STK3: variants seen among roughly 807,000 people sequenced by gnomAD.
STK3 encodes the protein serine/threonine-protein kinase 3.
A neutral mutation model predicts 58.0 loss-of-function variants in STK3; 41 were observed. The ratio of observed to expected loss-of-function variants is 0.71; its 90% CI spans 0.55 to 0.92. STK3 has a LOEUF of 0.92. Ranked by LOEUF, STK3 falls within the 40% of genes least tolerant of loss-of-function variation. The probability of loss-of-function intolerance (pLI) is 0.00; values close to 1 mark genes in which losing one functional copy is unlikely to be tolerated. For synonymous variants in STK3, 170 were observed against 191.0 expected (o/e 0.89, Z 0.91); for missense variants, 479 against 602.7 (o/e 0.79, Z 2.15).
At chr8:98,762,567 T>C (rs1000982789) in intron 3 of STK3, among the ~76,000 whole-genome samples, 1 of 152,266 alleles carries the variant, frequency 6.6e-6, no homozygotes, top group African/African-American at 2.4e-5. Context: ...ACCCATTCTT[T>C]GTTGTATCTC....
At chr8:98,865,780 T>C (rs1447088203) in intron 3 of STK3, among the ~76,000 whole-genome samples, 1 of 152,238 alleles carries the variant, frequency 6.6e-6, no homozygotes, top group Admixed American at 6.5e-5. Flanking sequence ...TCAAAGTCCA[T>C]CTAAGTCTAT....
At chr8:98,899,244 T>C (rs1838568195) in intron 1 of STK3, among the ~76,000 whole-genome samples, 3 of 152,192 alleles carry the variant, frequency 2.0e-5, no homozygotes, top group Non-Finnish European at 4.4e-5. Flanking sequence ...TTGGCTTTCA[T>C]ACAGCCCTAG....
In STK3 at chr8:98,407,257, G is replaced by A. The variant is rs535281415; in HGVS notation, n.484-5744C>T. 3.9e-5 allele frequency among the ~76,000 whole-genome samples: 6 copies of A among 152,350 alleles called. No homozygotes were observed. In the South Asian group the frequency reaches 1.2e-3, roughly 32 times the overall value. Reference sequence around the variant, plus strand: ...GGTTGTCGCCCTGGAGTCCAGCCTGGAAGAGGCGGCCACAGTGGTGACATC... The same window carrying A: ...GGTTGTCGCCCTGGAGTCCAGCCTGAAAGAGGCGGCCACAGTGGTGACATC... On this transcript the variant is annotated intron_variant and non_coding_transcript_variant, in intron 3 of 3. Coordinates refer to the STK3 transcript ENST00000517832.
At chr8:98,675,486 T>C (rs1038055200) in intron 6 of STK3, among the ~76,000 whole-genome samples, 2 of 152,174 alleles carry the variant, frequency 1.3e-5, no homozygotes, top group Admixed American at 1.3e-4. Flanking sequence ...AAAAACAGTA[T>C]GGTGGTTCCT....
intron 4 of STK3, among the ~76,000 whole-genome samples, chr8:98,729,268 C>T (rs1367555210): frequency 6.6e-6 from 1 of 152,066 alleles, no homozygotes; most frequent in African/African-American, 2.4e-5. Flanking sequence ...TGCCAACACA[C>T]CAGGCCAATT....
rs554188101 is a variant in STK3 at position 98,588,572 on chromosome 8, G to T, written c.822+7460C>A. ...CAACTTTGGTGAATCTGACAATTAT[G>T]TGTCTTGGAGTTGCTTTCTCGAGGA... On this transcript the variant is annotated intron_variant, in intron 7 of 10. Transcript: ENST00000419617. Among the ~76,000 whole-genome samples the T allele has an allele frequency of 5.9e-3, 897 of 152,132 alleles. 6 individuals carry two copies. Among genetic ancestry groups the T allele is most frequent in the Middle Eastern group, 0.024 (7 of 294 alleles).
At chr8:98,813,988 T>G (rs1422982613) in intron 1 of STK3, among the ~76,000 whole-genome samples, 2 of 152,240 alleles carry the variant, frequency 1.3e-5, no homozygotes, top group Non-Finnish European at 2.9e-5. Flanking sequence ...CAGTTCGTTG[T>G]AAGTATTCTG....
At chr8:98,611,319 T>A (rs1346998088) in intron 6 of STK3, among the ~76,000 whole-genome samples, 1 of 150,510 alleles carries the variant, frequency 6.6e-6, no homozygotes, top group East Asian at 2.0e-4. Flanking sequence ...AAGAAACAAC[T>A]GAAAATATGA....
At chr8:98,754,579 G>A (rs903694730) in intron 3 of STK3, among the ~76,000 whole-genome samples, 9 of 151,648 alleles carry the variant, frequency 5.9e-5, no homozygotes, top group East Asian at 1.9e-4. Flanking sequence ...GCACCATGTC[G>A]GCTCACAGCA....
chr8:98,631,928 G>C (rs907011194), intron 6 of STK3, among the ~76,000 whole-genome samples: 6 of 152,270 alleles, frequency 3.9e-5, no homozygotes, highest in African/African-American at 7.2e-5. Context: ...GCCTCCCAAA[G>C]TGCTGGGATT....
chr8:98,827,407 A>G (rs1835354347), upstream of STK3, among the ~76,000 whole-genome samples: 1 of 152,232 alleles, frequency 6.6e-6, no homozygotes, highest in Admixed American at 6.5e-5. Context: ...AGAACAATAA[A>G]TATGAAGAGA....
chr8:98,940,251 C>T (rs1840359112), intron 1 of STK3, among the ~76,000 whole-genome samples: 1 of 152,228 alleles, frequency 6.6e-6, no homozygotes, highest in Non-Finnish European at 1.5e-5. Flanking sequence ...GCTCCAGGGT[C>T]GCGGAGGCAT....
intron 6 of STK3, among the ~76,000 whole-genome samples, chr8:98,630,918 C>CT (rs71273137): frequency 0.26 from 38,706 of 151,154 alleles, 5,507 homozygotes; most frequent in East Asian, 0.41. Flanking sequence ...GTAAACATTT[C>CT]TTTTTTTTTA....
intron 8 of STK3, among the ~76,000 whole-genome samples, chr8:98,566,034 T>C (rs948509565): frequency 1.3e-5 from 2 of 152,190 alleles, no homozygotes; most frequent in Non-Finnish European, 2.9e-5. Context: ...CTGTTTGCAA[T>C]TTGTTTAATT....
intron 10 of STK3, among the ~76,000 whole-genome samples, chr8:98,503,892 G>C (rs912258698): frequency 6.6e-6 from 1 of 152,206 alleles, no homozygotes; most frequent in South Asian, 2.1e-4. Flanking sequence ...ATTTGGGATG[G>C]AGAGTTCTGT....
In STK3 at chr8:98,436,104, T is replaced by G. The variant is rs1818476815; in HGVS notation, n.291+999A>C. On this transcript the variant is annotated intron_variant and non_coding_transcript_variant, in intron 2 of 3. Transcript: ENST00000517832. ...CTGTCCTCAAGCTCCCCCGAATTCT[T>G]TGGCCACACAGATCAACCTCTAAGT... Among the ~76,000 whole-genome samples the G allele has an allele frequency of 5.3e-5, 8 of 152,282 alleles. No homozygotes were observed. In the South Asian group the frequency reaches 1.7e-3, roughly 32 times the overall value.
intron 3 of STK3, among the ~76,000 whole-genome samples, chr8:98,765,032 C>T (rs1830857111): frequency 1.3e-5 from 2 of 152,182 alleles, no homozygotes; most frequent in Admixed American, 1.3e-4. Flanking sequence ...AAATAAGATG[C>T]TGTTGCAGAA....
At chr8:98,408,084 G>C (rs1273475703) in intron 3 of STK3, among the ~76,000 whole-genome samples, 1 of 152,140 alleles carries the variant, frequency 6.6e-6, no homozygotes, top group Non-Finnish European at 1.5e-5. Flanking sequence ...CAGCTCCCCT[G>C]AGCTTCCACA....
intron 7 of STK3, chr8:98,595,031 T>C (rs1225781359): frequency 6.6e-6 from 1 of 152,262 alleles, no homozygotes; most frequent in Non-Finnish European, 1.5e-5. Flanking sequence ...TCCAATCTTT[T>C]ACAATTTCAA....
Sources: gnomAD v4.1 joint callset for allele counts (sites outside exome capture counted in the v4.1 genomes callset) on GRCh38, gnomAD v4.1.1 for gene constraint, MANE v1.5 for transcripts, NCBI Gene and HGNC (gene_info 2026-07-23, HGNC 2026-07-21) for gene names.